EGFLAM: variants seen among roughly 807,000 people sequenced by gnomAD.
The protein encoded by EGFLAM is pikachurin.
In EGFLAM, 79 loss-of-function variants were observed where a neutral mutation model predicts 113.1. The ratio of observed to expected loss-of-function variants is 0.70; its 90% confidence interval spans 0.58 to 0.84. The LOEUF is 0.84. Among genes scored for constraint, EGFLAM ranks in the 40% least tolerant of loss-of-function variants. EGFLAM has a pLI of 0.00. For synonymous variants in EGFLAM, 504 were observed against 487.6 expected (o/e 1.03, Z -0.44); for missense variants, 1,265 against 1,291.6 (o/e 0.98, Z 0.32).
At chr5:38,449,929 T>A (rs1425825019) in intron 18 of EGFLAM, among the ~76,000 whole-genome samples, 2 of 152,150 alleles carry the variant, frequency 1.3e-5, no homozygotes, top group East Asian at 3.9e-4. Flanking sequence ...CATCCCTATT[T>A]CTTGCTTGCT....
chr5:38,451,545 A>G (rs2112265792), intron 19 of EGFLAM, 87 bp downstream of exon 19: 1 of 1,523,414 alleles, frequency 6.6e-7, no homozygotes, highest in South Asian at 1.3e-5. Flanking sequence ...GAAGGGAGCC[A>G]GAACACAGTC....
At chr5:38,369,904 G>T (rs1008237378) in intron 5 of EGFLAM, among the ~76,000 whole-genome samples, 5 of 152,226 alleles carry the variant, frequency 3.3e-5, no homozygotes, top group Non-Finnish European at 2.9e-5. Flanking sequence ...AACAGATTGT[G>T]AATAGACGGA....
Position 38,412,507 on chromosome 5 carries a change from T to G in EGFLAM, c.1353T>G (p.Phe451Leu), listed in dbSNP as rs1579893479. The stretch of plus-strand genomic sequence containing the variant: ...TTTTCCTTTTCCTCCCCAACAGGTT[T>G]AATTGTGGAACTGGGGTTGCCATCA... ...AIIRRSLQFRFNCGTGVAIIV... is the reference protein window; with the variant it reads ...AIIRRSLQFRLNCGTGVAIIV... The change falls in exon 11 of 22, where the codon TTT (phenylalanine) becomes TTG (leucine). Residue 451 changes from phenylalanine to leucine, a missense_variant. By Grantham distance (22) the Phe-to-Leu change is conservative (BLOSUM62 0). Transcript: ENST00000322350. 6.2e-7 allele frequency: 1 copy of G among 1,614,142 alleles called. No homozygotes were observed. The highest frequency in any genetic ancestry group is 2.2e-5 in the East Asian group (1 of 44,872).
At chr5:38,333,304 T>G (rs993573786) in intron 1 of EGFLAM, among the ~76,000 whole-genome samples, 4 of 152,238 alleles carry the variant, frequency 2.6e-5, no homozygotes, top group Non-Finnish European at 5.9e-5. Context: ...TATATTCCTC[T>G]GGGTGTATAT....
Position 38,448,314 on chromosome 5 carries a change from C to T in EGFLAM, c.2478C>T (p.Ala826=), listed in dbSNP as rs776529115. 6.2e-7 allele frequency: 1 copy of T among 1,614,148 alleles called. No homozygotes were observed. Among genetic ancestry groups the T allele is most frequent in the Non-Finnish European group, 8.5e-7 (1 of 1,180,034 alleles). ...GLHCQKAIIE[A]IEIPQFIGRS... ...GTTCTGTCCCAGCGATCATAGAAGC[C>T]ATTGAGATCCCGCAGTTTATCGGCC... The change falls in exon 18 of 22, where the codon GCC becomes GCT. Residue 826 remains alanine, a synonymous_variant. Coordinates refer to ENST00000322350, the MANE Select transcript of EGFLAM (RefSeq NM_152403.4).
At chr5:38,361,993 T>C (rs1051720328) in intron 5 of EGFLAM, among the ~76,000 whole-genome samples, 2 of 152,004 alleles carry the variant, frequency 1.3e-5, no homozygotes, top group Admixed American at 1.3e-4. Context: ...GTAAAAAGCA[T>C]TACCCACAAG....
At chr5:38,280,285 C>T (rs1318031454) in intron 1 of EGFLAM, among the ~76,000 whole-genome samples, 1 of 152,218 alleles carries the variant, frequency 6.6e-6, no homozygotes, top group African/African-American at 2.4e-5. Flanking sequence ...CTGCCGTGCA[C>T]TCACGTACTG....
intron 12 of EGFLAM, among the ~76,000 whole-genome samples, 195 bp from the exon 13 acceptor site, chr5:38,424,772 C>T (rs981307805): frequency 4.6e-5 from 7 of 152,104 alleles, no homozygotes; most frequent in African/African-American, 1.7e-4. Flanking sequence ...CAGGACAAAC[C>T]AAAATCAAAT....
intron 6 of EGFLAM, among the ~76,000 whole-genome samples, chr5:38,391,645 C>T (rs1740814909): frequency 6.6e-6 from 1 of 152,114 alleles, no homozygotes; most frequent in Non-Finnish European, 1.5e-5. Context: ...GATCCGCCCA[C>T]CTCGGCCTCC....
chr5:38,448,245 T>C, intron 17 of EGFLAM, 56 bp from the exon 18 acceptor site: 2 of 1,577,096 alleles, frequency 1.3e-6, no homozygotes, highest in African/African-American at 1.3e-5. Context: ...TGTGTGTGAG[T>C]GCAGGGGTCA....
At chr5:38,411,722 A>G (rs1437594200) in intron 10 of EGFLAM, among the ~76,000 whole-genome samples, 1 of 151,974 alleles carries the variant, frequency 6.6e-6, no homozygotes, top group Non-Finnish European at 1.5e-5. Context: ...AGCTCAAGTG[A>G]TCCACCTGCC....
rs1490372677 is a variant in EGFLAM at position 38,465,041 on chromosome 5, A to G, written c.*1055A>G. 1 of 152,210 alleles carries G rather than the reference A, an allele frequency of 6.6e-6. No homozygotes were observed. The highest frequency in any genetic ancestry group is 2.4e-5 in the African/African-American group (1 of 41,444). 9.4% of individuals were successfully genotyped at this position (152,210 alleles called of 1,614,324 possible). ...AACTTATTCATTCATTCATTCACTT[A>G]TGGAGTTGTTACTGATTTTGCGGAG... On this transcript the variant is annotated 3_prime_UTR_variant, in exon 22 of 22. Transcript: ENST00000322350.
chr5:38,269,703 A>G (rs991428767), intron 1 of EGFLAM, among the ~76,000 whole-genome samples: 5 of 152,004 alleles, frequency 3.3e-5, no homozygotes, highest in African/African-American at 1.2e-4. Flanking sequence ...GTTAGCCAGG[A>G]TAGTCTCGAT....
At chr5:38,290,720 G>T in intron 1 of EGFLAM, 1 of 152,334 alleles carries the variant, frequency 6.6e-6, no homozygotes, top group East Asian at 1.9e-4. Context: ...GCTCTGCCCA[G>T]CTCAGTTGCT....
rs1554049180 is a variant in EGFLAM at position 38,349,773 on chromosome 5, G to GCGCACACACA, written c.292-727_292-726insGCACACACAC. On this transcript the variant is annotated intron_variant, in intron 3 of 21. Coordinates refer to ENST00000322350, the MANE Select transcript of EGFLAM (RefSeq NM_152403.4). ...CCCTTTGTGCAGGGGAAGTACACAC[G>GCGCACACACA]CACACACACACACACACACACACAC... is the stretch of plus-strand genomic sequence containing the variant. Among the ~76,000 whole-genome samples the GCGCACACACA allele has an allele frequency of 4.3e-3, 568 of 131,040 alleles. 6 individuals are homozygous for GCGCACACACA. The highest frequency in any genetic ancestry group is 0.011 in the South Asian group (42 of 3,880). The allele number at this position is 131,040 out of a possible 152,430, so 86.0% of individuals were successfully genotyped here. A position where few individuals can be genotyped will look rare whatever the true frequency, so the allele number is the denominator to read the frequency against.
intron 1 of EGFLAM, among the ~76,000 whole-genome samples, chr5:38,272,200 A>T (rs1002370980): frequency 6.6e-6 from 1 of 152,240 alleles, no homozygotes; most frequent in African/African-American, 2.4e-5. Flanking sequence ...TGTCATGTTC[A>T]ATACCTAGAG....
At chr5:38,391,502 G>T (rs1294116299) in intron 6 of EGFLAM, among the ~76,000 whole-genome samples, 1 of 151,800 alleles carries the variant, frequency 6.6e-6, no homozygotes, top group Non-Finnish European at 1.5e-5. Flanking sequence ...GGGTTCAAGT[G>T]ATTCTCCTGC....
intron 1 of EGFLAM, among the ~76,000 whole-genome samples, chr5:38,267,099 G>A (rs539760129): frequency 6.6e-6 from 1 of 152,144 alleles, no homozygotes; most frequent in South Asian, 2.1e-4. Flanking sequence ...CACCGAGCAA[G>A]GATATACATC....
chr5:38,320,754 A>G (rs114578124), intron 1 of EGFLAM, among the ~76,000 whole-genome samples: 1,725 of 152,174 alleles, frequency 0.011, 36 homozygotes, highest in African/African-American at 0.037. Flanking sequence ...GGGGTCTGCT[A>G]AAGGAGACAG....
Sources: gnomAD v4.1 joint callset for allele counts (sites outside exome capture counted in the v4.1 genomes callset) on GRCh38, gnomAD v4.1.1 for gene constraint, MANE v1.5 for transcripts, NCBI Gene and HGNC (gene_info 2026-07-23, HGNC 2026-07-21) for gene names.